SLC22A23: variants seen among roughly 807,000 people sequenced by gnomAD.
The protein encoded by SLC22A23 is solute carrier family 22 member 23, also known as ion transporter protein.
A neutral mutation model predicts 61.0 loss-of-function variants in SLC22A23; 26 were observed. The observed-to-expected ratio is 0.43, with a 90% CI of 0.31 to 0.59. SLC22A23 has a LOEUF of 0.59. SLC22A23 is among the 20% of genes least tolerant of loss of function. The probability of loss-of-function intolerance (pLI) is 0.11; values close to 1 mark genes in which losing one functional copy is unlikely to be tolerated. For missense variants in SLC22A23, 796 were observed against 934.7 expected (o/e 0.85, Z 1.94); for synonymous variants, 430 against 413.9 (o/e 1.04, Z -0.47).
chr6:3,295,017 C>A (rs3935359), intron 5 of SLC22A23, among the ~76,000 whole-genome samples: 21,765 of 152,146 alleles, frequency 0.14, 2,317 homozygotes, highest in East Asian at 0.34. Context: ...ACCCTTCCTT[C>A]CTATAGGAGT....
In SLC22A23 at chr6:3,286,191, C is replaced by T. The variant is rs538673675; in HGVS notation, c.1546+668G>A. 2.6e-5 allele frequency among the ~76,000 whole-genome samples: 4 copies of T among 151,904 alleles called. No individual in the cohort carries two copies. The highest frequency in any genetic ancestry group is 9.7e-5 in the African/African-American group (4 of 41,390). ...TCAGCTTACTGCAACCTCTGCCTCCCAAGTTCAAGTGATTCTTCTGCCTCA... is the reference window on the plus strand; with the variant it reads ...TCAGCTTACTGCAACCTCTGCCTCCTAAGTTCAAGTGATTCTTCTGCCTCA... On this transcript the variant is annotated intron_variant, in intron 7 of 9. Transcript: ENST00000406686. This position sits in a 1 kb window ranked among gnomAD's most constrained non-coding sequence, Gnocchi z 4.2.
intron 3 of SLC22A23, among the ~76,000 whole-genome samples, chr6:3,398,325 C>T (rs1285408296): frequency 6.6e-6 from 1 of 152,016 alleles, no homozygotes; most frequent in East Asian, 1.9e-4. Flanking sequence ...GAGCCTTTTC[C>T]CAGAACTCAC....
In SLC22A23 at chr6:3,387,577, C is replaced by T. The variant is rs563753779; in HGVS notation, c.913+22611G>A. On this transcript the variant is annotated intron_variant, in intron 3 of 9. Transcript: ENST00000406686. The surrounding 1 kb of genome is among the most constrained non-coding windows in gnomAD (Gnocchi z 5.0). ...CGTCGTTTAGTTAGTCCCACGACAA[C>T]GTCCGTTTCTCAGCTCTGGGGACCG... Among the ~76,000 whole-genome samples, 80 of 152,312 alleles carry T rather than the reference C, an allele frequency of 5.3e-4. No homozygotes were observed. The highest frequency in any genetic ancestry group is 1.1e-3 in the African/African-American group (47 of 41,572).
At chr6:3,406,547 TGCGC>T (rs10554434) in intron 3 of SLC22A23, among the ~76,000 whole-genome samples, 139 of 89,150 alleles carry the variant, frequency 1.6e-3, no homozygotes, top group Middle Eastern at 5.2e-3. Context: ...TGTGTGTGTG[TGCGC>T]GCATGTGTGT....
At chr6:3,294,630 G>A (rs1305223794) in intron 5 of SLC22A23, among the ~76,000 whole-genome samples, 2 of 152,256 alleles carry the variant, frequency 1.3e-5, no homozygotes, top group Admixed American at 6.5e-5. Flanking sequence ...GGGAACCAGC[G>A]GGCCTTCTAC....
rs548093196 is a variant in SLC22A23 at position 3,322,167 on chromosome 6, C to T, written c.1082+1667G>A. 3.9e-5 allele frequency among the ~76,000 whole-genome samples: 6 copies of T among 152,160 alleles called. No homozygotes were observed. The highest frequency in any genetic ancestry group is 7.4e-5 in the Non-Finnish European group (5 of 68,014). On this transcript the variant is annotated intron_variant, in intron 4 of 9. Transcript: ENST00000406686. This position sits in a 1 kb window ranked among gnomAD's most constrained non-coding sequence, Gnocchi z 4.1. ...TGAGTCAGCGGGGGTCAGGGGACCG[C>T]GGTTCTGTCCTCTATAGGATGGGCT...
chr6:3,299,373 G>A (rs747575802), intron 4 of SLC22A23, among the ~76,000 whole-genome samples: 9 of 152,102 alleles, frequency 5.9e-5, no homozygotes, highest in East Asian at 1.9e-4. Flanking sequence ...TTTCAGTTTC[G>A]GAACCTGAAG....
chr6:3,336,088 C>CAAA (rs774382213), intron 3 of SLC22A23, among the ~76,000 whole-genome samples: 46 of 138,706 alleles, frequency 3.3e-4, no homozygotes, highest in Middle Eastern at 3.8e-3. Flanking sequence ...GACTCCATCT[C>CAAA]AAAAAAAAAA....
Position 3,323,853 on chromosome 6 carries a change from G to A in SLC22A23, c.1063C>T (p.Leu355Phe). 1.2e-6 allele frequency: 2 copies of A among 1,613,948 alleles called. No homozygotes were observed. The highest frequency in any genetic ancestry group is 1.7e-6 in the Non-Finnish European group (2 of 1,179,950). ...ACTCACGACCAGTAGAGCAGCATGA[G>A]CAGGAAGGGGCAGATGATGAGGGCC... ...LQALIICPFL[L>F]MLLYWSIFPE... The change falls in exon 4 of 10, where the codon CTC becomes TTC. Residue 355 changes from leucine to phenylalanine, a missense_variant. Physicochemically the swap from Leu to Phe is conservative, Grantham distance 22. Transcript: ENST00000406686.
rs1459751431 is a variant in SLC22A23 at position 3,273,177 on chromosome 6, CCTT to C, written c.1936_1938del (p.Lys646del). 1.1e-5 allele frequency: 17 copies of C among 1,612,916 alleles called. No individual in the cohort carries two copies. Among genetic ancestry groups the C allele is most frequent in the Admixed American group, 1.7e-5 (1 of 59,980 alleles). ...TTGGTGAGCAGCAGTGGCTGCTCCC[CCTT>C]CTTGTGCGGCAGCAGCGGCTGGCGC... On this transcript the variant is annotated inframe_deletion, in exon 10 of 10. Coordinates refer to ENST00000406686, the MANE Select transcript of SLC22A23 (RefSeq NM_015482.2).
At chr6:3,421,453 C>T (rs988239788) in intron 1 of SLC22A23, among the ~76,000 whole-genome samples, 1 of 152,096 alleles carries the variant, frequency 6.6e-6, no homozygotes, top group African/African-American at 2.4e-5. Flanking sequence ...TTAAAAATTT[C>T]GCTTTTGAAA....
chr6:3,452,763 T>C (rs1163393495), intron 1 of SLC22A23, among the ~76,000 whole-genome samples: 1 of 152,162 alleles, frequency 6.6e-6, no homozygotes, highest in East Asian at 1.9e-4. Flanking sequence ...TTTGAAGGCA[T>C]TGCAGATTCT....
At chr6:3,285,263 G>T in intron 7 of SLC22A23, 152 bp from the exon 8 acceptor site, 1 of 1,047,170 alleles carries the variant, frequency 9.5e-7, no homozygotes, top group East Asian at 2.6e-5. Context: ...GGCGCTGGCC[G>T]CCGGGGCAGT....
At chr6:3,356,230 G>A (rs1178827525) in intron 3 of SLC22A23, among the ~76,000 whole-genome samples, 1 of 150,360 alleles carries the variant, frequency 6.7e-6, no homozygotes. Context: ...GCTCTCTCGG[G>A]AGGGCCCTCC....
At chr6:3,402,462 A>ATCACCCACACTACCCAGAGCGCACTAG (rs1561954701) in intron 3 of SLC22A23, among the ~76,000 whole-genome samples, 1 of 26,114 alleles carries the variant, frequency 3.8e-5, no homozygotes, top group African/African-American at 2.8e-4. Flanking sequence ...GCTCTAGCTA[A>ATCACCCACACTACCCAGAGCGCACTAG]GCCCTAATCA....
At chr6:3,438,926 A>G (rs1399002003) in intron 1 of SLC22A23, among the ~76,000 whole-genome samples, 14 of 152,194 alleles carry the variant, frequency 9.2e-5, no homozygotes, top group Admixed American at 8.5e-4. Flanking sequence ...CTGAACACCC[A>G]TGTGTCCCGT....
At chr6:3,368,631 G>A (rs1363513177) in intron 3 of SLC22A23, among the ~76,000 whole-genome samples, 3 of 152,164 alleles carry the variant, frequency 2.0e-5, no homozygotes, top group Non-Finnish European at 2.9e-5. Flanking sequence ...TAAGATTTCA[G>A]GGAAATTAAA....
intron 1 of SLC22A23, among the ~76,000 whole-genome samples, chr6:3,434,775 G>A (rs906606798): frequency 6.6e-6 from 1 of 152,144 alleles, no homozygotes; most frequent in Non-Finnish European, 1.5e-5. Flanking sequence ...CGGAATAACC[G>A]CAATGCCTGG....
chr6:3,447,099 T>G lies in SLC22A23; in HGVS notation c.654+8807A>C, dbSNP rs1771932872. Among the ~76,000 whole-genome samples the G allele has an allele frequency of 2.0e-5, 3 of 152,236 alleles. No individual in the cohort carries two copies. In the South Asian group the frequency reaches 6.2e-4, roughly 31 times the overall value. ...CCCACTTAATACTCTTTAATGGTTT[T>G]CCTTTGCTCTAAAATTAGAGGAAAA... is the stretch of plus-strand genomic sequence containing the variant. On this transcript the variant is annotated intron_variant, in intron 1 of 9. Coordinates refer to ENST00000406686, the MANE Select transcript of SLC22A23 (RefSeq NM_015482.2).
Sources: gnomAD v4.1 joint callset for allele counts (sites outside exome capture counted in the v4.1 genomes callset) on GRCh38, gnomAD v4.1.1 for gene constraint, Gnocchi (gnomAD v3.1) non-coding constraint, MANE v1.5 for transcripts, NCBI Gene and HGNC (gene_info 2026-07-23, HGNC 2026-07-21) for gene names.